Variants in TAOK1 observed in about 807,000 individuals in gnomAD.
TAOK1 encodes serine/threonine-protein kinase TAO1.
In TAOK1, 21 loss-of-function variants were observed where a neutral mutation model predicts 138.3. That is an observed-to-expected ratio of 0.15 (90% CI 0.11 to 0.22). The LOEUF (loss-of-function observed/expected upper bound fraction) is 0.22, where lower values mean the gene tolerates loss of function less well. Ranked by LOEUF, TAOK1 falls within the 10% of genes least tolerant of loss-of-function variation. The probability of loss-of-function intolerance (pLI) is 1.00; values close to 1 mark genes in which losing one functional copy is unlikely to be tolerated. For missense variants in TAOK1, 651 were observed against 1,227.7 expected, an observed-to-expected ratio of 0.53 and a Z score of 7.02; for synonymous variants, 361 against 398.4, an observed-to-expected ratio of 0.91 and a Z score of 1.12.
chr17:29,515,363 A>G (rs1474485167), intron 15 of TAOK1, among the ~76,000 whole-genome samples: 2 of 152,146 alleles, frequency 1.3e-5, no homozygotes, highest in African/African-American at 2.4e-5. Context: ...ACCTGAAAGT[A>G]CTATCTTCTG....
At chr17:29,417,113 A>G (rs1905284379) in intron 1 of TAOK1, among the ~76,000 whole-genome samples, 1 of 152,078 alleles carries the variant, frequency 6.6e-6, no homozygotes, top group Non-Finnish European at 1.5e-5. Flanking sequence ...TCCTGGGTTC[A>G]AGCAATTCTG....
At chr17:29,438,213 A>G (rs1008132325) in intron 1 of TAOK1, among the ~76,000 whole-genome samples, 1 of 152,126 alleles carries the variant, frequency 6.6e-6, no homozygotes, top group Non-Finnish European at 1.5e-5. Context: ...TTATTTTTCG[A>G]ATGTTCCAAT....
rs561328410 is a variant in TAOK1 at position 29,456,338 on chromosome 17, C to T, written c.132+4658C>T. ...CTGCACTCCAGCCTGGGGGATAGAG[C>T]GAGACTCTGTCTCCGGGAAAAAAAA... On this transcript the variant is annotated intron_variant, in intron 2 of 19. Coordinates refer to ENST00000261716, the MANE Select transcript of TAOK1 (RefSeq NM_020791.4). 9.1e-4 allele frequency among the ~76,000 whole-genome samples: 136 copies of T among 149,620 alleles called. 8 individuals carry two copies. The highest frequency in any genetic ancestry group is 1.6e-3 in the African/African-American group (63 of 39,334).
intron 1 of TAOK1, among the ~76,000 whole-genome samples, chr17:29,443,719 TTAGA>T (rs1353314613): frequency 1.3e-4 from 20 of 152,224 alleles, no homozygotes; most frequent in Admixed American, 1.3e-3. Context: ...TAAGAACAGA[TTAGA>T]TAATTTAAAA....
At chr17:29,437,305 G>A (rs993927256) in intron 1 of TAOK1, among the ~76,000 whole-genome samples, 3 of 151,866 alleles carry the variant, frequency 2.0e-5, no homozygotes, top group Non-Finnish European at 2.9e-5. Context: ...ATTGTGATCC[G>A]CCTGCCTTGG....
chr17:29,412,333 A>G (rs897434196), intron 1 of TAOK1, among the ~76,000 whole-genome samples: 51 of 151,912 alleles, frequency 3.4e-4, no homozygotes, highest in African/African-American at 1.2e-3. Flanking sequence ...GTGAGCCCCC[A>G]TGCCCAGCCG....
chr17:29,526,980 G>T lies in TAOK1; in HGVS notation c.2149-3427G>T, dbSNP rs1050302976. 5.3e-5 allele frequency among the ~76,000 whole-genome samples: 8 copies of T among 152,124 alleles called. No homozygotes were observed. The South Asian group carries it at 1.7e-3, about 32-fold the overall frequency. Reference sequence around the variant, plus strand: ...ATCTCTACTAAAAATTAAAAAATTAGCTGGGTGTGGTGGCATGCACCTGTA... The same window carrying T: ...ATCTCTACTAAAAATTAAAAAATTATCTGGGTGTGGTGGCATGCACCTGTA... On this transcript the variant is annotated intron_variant, in intron 17 of 19. Transcript: ENST00000261716.
chr17:29,534,368 A>G, intron 19 of TAOK1, 68 bp downstream of exon 19: 10 of 1,350,654 alleles, frequency 7.4e-6, no homozygotes, highest in Non-Finnish European at 9.7e-6. Context: ...TTATAAATAT[A>G]TTTTCATGTT....
chr17:29,471,479 ATCTTGGCCAGGAT>A (rs1183655460), intron 3 of TAOK1, among the ~76,000 whole-genome samples: 1 of 151,582 alleles, frequency 6.6e-6, no homozygotes, highest in Admixed American at 6.6e-5. Flanking sequence ...GGGTTTCATC[ATCTTGGCCAGGAT>A]GGTCTCGATC....
At chr17:29,533,144 G>T (rs1432060683) in intron 18 of TAOK1, among the ~76,000 whole-genome samples, 2 of 148,226 alleles carry the variant, frequency 1.3e-5, no homozygotes, top group Non-Finnish European at 3.0e-5. Flanking sequence ...GGGCAGAGAC[G>T]CTCCTCACCT....
At chr17:29,524,744 A>T (rs1312595063) in intron 17 of TAOK1, among the ~76,000 whole-genome samples, 1 of 152,184 alleles carries the variant, frequency 6.6e-6, no homozygotes, top group African/African-American at 2.4e-5. Context: ...AGAATATAGC[A>T]TCAACTGTGT....
At chr17:29,497,779 G>T (rs1183810631) in intron 11 of TAOK1, among the ~76,000 whole-genome samples, 1 of 148,878 alleles carries the variant, frequency 6.7e-6, no homozygotes, top group Non-Finnish European at 1.5e-5. Flanking sequence ...GAAGAAAGAA[G>T]AATCTACTTA....
At chr17:29,523,438 AG>A in intron 17 of TAOK1, among the ~76,000 whole-genome samples, 1 of 152,174 alleles carries the variant, frequency 6.6e-6, no homozygotes, top group Non-Finnish European at 1.5e-5. Flanking sequence ...CCCAGGCTGG[AG>A]TGCAGCGGCA....
At position 29,478,984 on chromosome 17, in the gene TAOK1, G is replaced by A. The variant is rs556919224; in HGVS notation, c.449+637G>A. On this transcript the variant is annotated intron_variant, in intron 6 of 19. Transcript: ENST00000261716. ...CACTGAAAATATGAAAATTAGCTGG[G>A]CTTTGTTGTAGGCATCTATAATCCC... 2.0e-5 allele frequency among the ~76,000 whole-genome samples: 3 copies of A among 152,038 alleles called. No homozygotes were observed. The East Asian group carries it at 5.8e-4, about 29-fold the overall frequency.
chr17:29,429,743 C>G (rs1905765656), intron 1 of TAOK1, among the ~76,000 whole-genome samples: 1 of 152,048 alleles, frequency 6.6e-6, no homozygotes, highest in South Asian at 2.1e-4. Context: ...TATTTAGTAC[C>G]TTTAGGTTTT....
At position 29,508,024 on chromosome 17, in the gene TAOK1, G is replaced by A. The variant is rs757345767; in HGVS notation, c.1467G>A (p.Met489Ile). Residue 489 changes from methionine to isoleucine, a missense_variant, in exon 14 of 20, where the codon ATG (methionine) becomes ATA (isoleucine). Met to Ile is a conservative substitution (Grantham distance 10). Transcript: ENST00000261716. Reference protein sequence around the residue: ...MTLENKLKAEMDEHRLRLDKD... With the variant: ...MTLENKLKAEIDEHRLRLDKD... ...TGGAAAACAAGCTAAAGGCTGAGATGGATGAACATCGCCTCAGATTAGACA... is the reference window on the plus strand; with the variant it reads ...TGGAAAACAAGCTAAAGGCTGAGATAGATGAACATCGCCTCAGATTAGACA... 92 of 1,613,972 alleles carry A rather than the reference G, an allele frequency of 5.7e-5. No individual in the cohort carries two copies. Among genetic ancestry groups the A allele is most frequent in the Non-Finnish European group, 7.5e-5 (89 of 1,180,002 alleles).
At chr17:29,425,805 G>T (rs963777580) in intron 1 of TAOK1, among the ~76,000 whole-genome samples, 1 of 152,184 alleles carries the variant, frequency 6.6e-6, no homozygotes, top group African/African-American at 2.4e-5. Context: ...AAATTGATAG[G>T]TAATTTAAAT....
rs751556020 is a variant in TAOK1, at chr17:29,543,485, C to G, written c.*463C>G. On this transcript the variant is annotated 3_prime_UTR_variant, in exon 20 of 20. Transcript: ENST00000261716. ...CCAAATTCTTATGAGCCACTCACAG[C>G]AGGCAGCATATGTTGAAATAAGTTA... 6.5e-6 allele frequency: 1 copy of G among 153,398 alleles called. No homozygotes were observed. The highest frequency in any genetic ancestry group is 1.5e-5 in the Non-Finnish European group (1 of 68,536). 9.5% of individuals were successfully genotyped at this position (153,398 alleles called of 1,614,324 possible).
intron 1 of TAOK1, among the ~76,000 whole-genome samples, chr17:29,397,116 G>A (rs541696984): frequency 6.1e-5 from 9 of 147,060 alleles, no homozygotes; most frequent in Middle Eastern, 7.8e-3. Context: ...CCAACGTGGC[G>A]AAACCTCGTC....
Sources: allele counts gnomAD v4.1 joint callset (sites outside exome capture counted in the v4.1 genomes callset), GRCh38; gene constraint gnomAD v4.1.1; transcripts MANE v1.5; gene names NCBI Gene and HGNC (gene_info 2026-07-23, HGNC 2026-07-21).